CACNA2D3: variants seen among roughly 807,000 people sequenced by gnomAD.
CACNA2D3 encodes the protein voltage-dependent calcium channel subunit alpha-2/delta-3.
Under a neutral mutation model 160.6 loss-of-function variants are expected in CACNA2D3, and 60 were observed. The observed-to-expected ratio is 0.37, with a 90% confidence interval of 0.30 to 0.46. The LOEUF is 0.46. Among genes scored for constraint, CACNA2D3 ranks in the 20% least tolerant of loss-of-function variants. The probability of loss-of-function intolerance (pLI) is 1.00; values close to 1 mark genes in which losing one functional copy is unlikely to be tolerated. For synonymous variants in CACNA2D3, 558 were observed against 492.9 expected (o/e 1.13, Z -1.75); for missense variants, 1,205 against 1,365.0 (o/e 0.88, Z 1.85).
chr3:54,350,463 A>C (rs940654878), intron 3 of CACNA2D3, among the ~76,000 whole-genome samples: 1 of 152,168 alleles, frequency 6.6e-6, no homozygotes, highest in African/African-American at 2.4e-5. Context: ...TCTGAGTGTC[A>C]GTGCAAGTGG....
At chr3:54,689,695 G>A (rs1700537776) in intron 11 of CACNA2D3, among the ~76,000 whole-genome samples, 1 of 151,648 alleles carries the variant, frequency 6.6e-6, no homozygotes, top group South Asian at 2.1e-4. Context: ...AATCCTCGTG[G>A]CTCTACCTCC....
At chr3:54,794,900 G>T (rs527894602) in intron 13 of CACNA2D3, among the ~76,000 whole-genome samples, 1 of 152,020 alleles carries the variant, frequency 6.6e-6, no homozygotes, top group East Asian at 1.9e-4. Context: ...TATTTTTCTT[G>T]AGGTTCATTA....
chr3:54,149,296 C>CACACACACACAT (rs1384338777), intron 2 of CACNA2D3, among the ~76,000 whole-genome samples: 2 of 151,712 alleles, frequency 1.3e-5, no homozygotes, highest in Non-Finnish European at 2.9e-5. Context: ...CACACACACA[C>CACACACACACAT]ACATATGTGT....
intron 11 of CACNA2D3, among the ~76,000 whole-genome samples, chr3:54,646,184 CTCCTTCCTTGCT>C (rs1324441677): frequency 0.053 from 781 of 14,844 alleles, 111 homozygotes; most frequent in Admixed American, 0.25. Context: ...CCCTCCCTCC[CTCCTTCCTTGCT>C]TCCTTCCTTC....
At chr3:54,320,358 C>T in intron 2 of CACNA2D3, 84 bp from the exon 3 acceptor site, 2 of 583,254 alleles carry the variant, frequency 3.4e-6, no homozygotes, top group Non-Finnish European at 5.9e-6. Context: ...TTTATTTATT[C>T]CTTGTGGGTA....
intron 9 of CACNA2D3, among the ~76,000 whole-genome samples, chr3:54,605,726 A>G (rs1039657823): frequency 6.6e-6 from 1 of 152,220 alleles, no homozygotes; most frequent in Non-Finnish European, 1.5e-5. Flanking sequence ...TAGATCCCAG[A>G]AAAGCATGTG....
intron 27 of CACNA2D3, among the ~76,000 whole-genome samples, 179 bp from the exon 28 acceptor site, chr3:54,968,271 A>G (rs1396527651): frequency 1.3e-5 from 2 of 152,234 alleles, no homozygotes; most frequent in Non-Finnish European, 2.9e-5. Context: ...CTGTGAGTGC[A>G]GGTAAACTTG....
At position 54,642,234 on chromosome 3, in the gene CACNA2D3, A is replaced by C. The variant is rs780033728; in HGVS notation, c.1160A>C (p.Asp387Ala). 1 of 1,604,738 alleles carries C rather than the reference A, an allele frequency of 6.2e-7. No individual in the cohort carries two copies. The highest frequency in any genetic ancestry group is 8.5e-7 in the Non-Finnish European group (1 of 1,173,558). Reference sequence around the variant, plus strand: ...ATCTTTGCAAAATACAATTGGCCAGATCGAAAGGTAAGTTGATGCTGATCC... The same window carrying C: ...ATCTTTGCAAAATACAATTGGCCAGCTCGAAAGGTAAGTTGATGCTGATCC... ...DTIFAKYNWPDRKVRIFTYLI... is the reference protein window; with the variant it reads ...DTIFAKYNWPARKVRIFTYLI... Residue 387 changes from aspartate (D) to alanine (A), a missense_variant, in exon 11 of 38, where the codon GAT (aspartate) becomes GCT (alanine). Asp to Ala is a moderately radical substitution (Grantham distance 126, BLOSUM62 -2). Transcript: ENST00000474759.
chr3:54,390,683 T>C (rs1699263842), intron 4 of CACNA2D3, among the ~76,000 whole-genome samples: 1 of 152,196 alleles, frequency 6.6e-6, no homozygotes, highest in South Asian at 2.1e-4. Flanking sequence ...GGATTTGTCT[T>C]GGCTTAGATG....
intron 13 of CACNA2D3, among the ~76,000 whole-genome samples, chr3:54,811,865 T>C (rs1275432471): frequency 1.3e-5 from 2 of 152,196 alleles, no homozygotes; most frequent in Non-Finnish European, 1.5e-5. Context: ...AAATTCTGTC[T>C]TTATTGCTCT....
intron 2 of CACNA2D3, among the ~76,000 whole-genome samples, chr3:54,158,106 G>A (rs1203518326): frequency 1.3e-5 from 2 of 152,198 alleles, no homozygotes; most frequent in Non-Finnish European, 2.9e-5. Context: ...CTTCAGTCTG[G>A]CTACTTAGAG....
intron 2 of CACNA2D3, among the ~76,000 whole-genome samples, chr3:54,285,943 A>G (rs966516958): frequency 1.3e-5 from 2 of 152,222 alleles, no homozygotes; most frequent in African/African-American, 4.8e-5. Context: ...CACCATCATC[A>G]AAGACCAAAA....
At chr3:54,626,291 A>T in intron 9 of CACNA2D3, 1 of 1,502,862 alleles carries the variant, frequency 6.7e-7, no homozygotes, top group Non-Finnish European at 9.1e-7. Context: ...CAGCTGCTGG[A>T]CATGTCCTAC....
chr3:55,022,771 C>G (rs899233779), intron 35 of CACNA2D3, among the ~76,000 whole-genome samples: 6 of 150,542 alleles, frequency 4.0e-5, no homozygotes, highest in Non-Finnish European at 8.9e-5. Flanking sequence ...TGCCCTTTGC[C>G]TTTTTACGAT....
chr3:54,809,971 A>G (rs535260719), intron 13 of CACNA2D3, among the ~76,000 whole-genome samples: 2 of 152,350 alleles, frequency 1.3e-5, no homozygotes, highest in East Asian at 3.9e-4. Flanking sequence ...ACAAATGCTA[A>G]GACAGGAATA....
At chr3:54,133,017 G>A (rs532711444) in intron 2 of CACNA2D3, among the ~76,000 whole-genome samples, 1 of 152,272 alleles carries the variant, frequency 6.6e-6, no homozygotes, top group East Asian at 1.9e-4. Context: ...TTCTCAAGGA[G>A]TTGCTTCTAC....
chr3:54,330,826 C>T (rs767904740), intron 3 of CACNA2D3, among the ~76,000 whole-genome samples: 1 of 152,194 alleles, frequency 6.6e-6, no homozygotes, highest in African/African-American at 2.4e-5. Flanking sequence ...GATCCATTCC[C>T]TTGATGTGCT....
At chr3:54,727,492 G>A (rs966751699) in intron 11 of CACNA2D3, among the ~76,000 whole-genome samples, 1 of 152,146 alleles carries the variant, frequency 6.6e-6, no homozygotes, top group Non-Finnish European at 1.5e-5. Context: ...CAATAGCAAA[G>A]ACTTGGAACC....
chr3:54,176,265 T>A (rs1700676129), intron 2 of CACNA2D3, among the ~76,000 whole-genome samples: 1 of 152,244 alleles, frequency 6.6e-6, no homozygotes, highest in African/African-American at 2.4e-5. Context: ...GCTCCAGGAT[T>A]CTGTTTTTCC....
Sources: gnomAD v4.1 joint callset for allele counts (sites outside exome capture counted in the v4.1 genomes callset) on GRCh38, gnomAD v4.1.1 for gene constraint, MANE v1.5 for transcripts, NCBI Gene and HGNC (gene_info 2026-07-23, HGNC 2026-07-21) for gene names.